The following LTBP2 variants were observed in gnomAD, a reference collection of about 807,000 sequenced individuals.
LTBP2 encodes latent-transforming growth factor beta-binding protein 2.
Under a neutral mutation model 210.6 loss-of-function variants are expected in LTBP2, and 103 were observed. That is an observed-to-expected ratio of 0.49 (90% CI 0.42 to 0.58). The LOEUF is 0.58. Ranked by LOEUF, LTBP2 falls within the 20% of genes least tolerant of loss-of-function variation. LTBP2 has a pLI of 0.00. For missense variants in LTBP2, 2,313 were observed against 2,494.5 expected (o/e 0.93, Z 1.55); for synonymous variants, 1,007 against 1,015.0 (o/e 0.99, Z 0.15).
chr14:74,508,645 G>A lies in LTBP2; in HGVS notation c.3611C>T (p.Ala1204Val), dbSNP rs45468895. 1,051 of 1,612,528 alleles carry A rather than the reference G, an allele frequency of 6.5e-4. 1 individual carries two copies. Among genetic ancestry groups the A allele is most frequent in the Non-Finnish European group, 5.6e-4 (657 of 1,179,964 alleles). ...CCCCTCTGCGCTGACGAAGCCAGGC[G>A]CGCACAGACAGAAGAAAGACCCGTG... ...NSHGSFFCLC[A>V]PGFVSAEGGT... Residue 1204 changes from alanine (A) to valine (V), a missense_variant, in exon 24 of 36, where the codon GCG (alanine) becomes GTG (valine). By Grantham distance (64) the Ala-to-Val change is moderately conservative (BLOSUM62 0). This residue lies in a region of LTBP2 where 1,867 missense variants were observed against 1,976.9 expected (regional missense o/e 0.94). Transcript: ENST00000261978.
chr14:74,610,385 G>C (rs2088588091), intron 1 of LTBP2, among the ~76,000 whole-genome samples: 1 of 152,236 alleles, frequency 6.6e-6, no homozygotes, highest in East Asian at 1.9e-4. Context: ...AGAGCGCCAA[G>C]GAAAACAGAG....
chr14:74,586,648 T>C lies in LTBP2; in HGVS notation c.566-530A>G, dbSNP rs189571752. 3.3e-5 allele frequency among the ~76,000 whole-genome samples: 5 copies of C among 152,292 alleles called. No individual in the cohort carries two copies. The East Asian group carries it at 9.6e-4, about 29-fold the overall frequency. On this transcript the variant is annotated intron_variant, in intron 2 of 35. Coordinates refer to ENST00000261978, the MANE Select transcript of LTBP2 (RefSeq NM_000428.3). The surrounding 1 kb of genome is among the most constrained non-coding windows in gnomAD (Gnocchi z 4.6). ...CACTTGTGAGCTGCATGGTCTTGAC[T>C]TCACTGAGCCTCTATTTGCGCCTAA...
At chr14:74,502,492 A>G (rs1366473925) in intron 34 of LTBP2, 161 bp downstream of exon 34, 1 of 896,480 alleles carries the variant, frequency 1.1e-6, no homozygotes, top group Non-Finnish European at 1.8e-6. Context: ...ACCTGGGCGT[A>G]TGTACTTGTC....
At chr14:74,501,691 G>A in intron 34 of LTBP2, 101 bp from the exon 35 acceptor site, 2 of 1,455,534 alleles carry the variant, frequency 1.4e-6, no homozygotes, top group Non-Finnish European at 1.9e-6. Flanking sequence ...TGCCCCTGTG[G>A]AACTGTGGGG....
At chr14:74,506,935 C>T (rs776392520) in intron 26 of LTBP2, 112 bp from the exon 27 acceptor site, 57 of 1,559,692 alleles carry the variant, frequency 3.7e-5, no homozygotes, top group Non-Finnish European at 4.9e-5. Context: ...TCGTTCTCTG[C>T]TGAGAATACT....
In LTBP2 at chr14:74,526,103, A is replaced by G; in HGVS notation, c.2400T>C (p.Ser800=). Residue 800 remains serine (S), a synonymous_variant, in exon 14 of 36, where the codon AGT becomes AGC. Transcript: ENST00000261978. The part of the protein sequence containing the change: ...GDSQAGQVTT[S]VTHAPAWVTG... ...TGACCCAGGCAGGTGCATGAGTGAC[A>G]CTGGTCGTGACCTGCACAGAAACAG... 6.2e-7 allele frequency: 1 copy of G among 1,603,722 alleles called. No homozygotes were observed.
intron 17 of LTBP2, among the ~76,000 whole-genome samples, chr14:74,518,942 C>T (rs941230266): frequency 6.6e-6 from 1 of 152,198 alleles, no homozygotes; most frequent in Admixed American, 6.5e-5. Flanking sequence ...AACTCATTAT[C>T]CCCTGAGGTC....
rs537848065 is a variant in LTBP2 at position 74,551,445 on chromosome 14, G to A, written c.1400-95C>T. 533 of 1,242,810 alleles carry A rather than the reference G, an allele frequency of 4.3e-4. 6 individuals carry two copies. The South Asian group carries it at 7.8e-3, about 18-fold the overall frequency. 77.0% of individuals were successfully genotyped at this position (1,242,810 alleles called of 1,614,324 possible). A position where few individuals can be genotyped will look rare whatever the true frequency, so the allele number is the denominator to read the frequency against. On this transcript the variant is annotated intron_variant, in intron 6 of 35. Transcript: ENST00000261978. ...TATCCACCACCCCTGGGCCAGGCAG[G>A]CCACTGGCTATGTGTCACCCCAAAA... is the stretch of plus-strand genomic sequence containing the variant.
intron 3 of LTBP2, among the ~76,000 whole-genome samples, chr14:74,562,580 C>T (rs984606771): frequency 7.9e-5 from 12 of 151,866 alleles, no homozygotes; most frequent in African/African-American, 2.7e-4. Context: ...CAGAGACCAA[C>T]AGCCTTAAAA....
At chr14:74,584,389 C>T (rs923194206) in intron 3 of LTBP2, among the ~76,000 whole-genome samples, 3 of 152,166 alleles carry the variant, frequency 2.0e-5, no homozygotes, top group African/African-American at 7.2e-5. Context: ...ATGAATCCCA[C>T]AAGCCAAAAG....
chr14:74,508,840 G>A lies in LTBP2; in HGVS notation c.3516C>T (p.Thr1172=), dbSNP rs562153323. Residue 1172 remains threonine, a synonymous_variant, in exon 23 of 36, where the codon ACC becomes ACT. Coordinates refer to ENST00000261978, the MANE Select transcript of LTBP2 (RefSeq NM_000428.3). The part of the protein sequence containing the change: ...CPQGFQLANG[T]VCEDVNECMG... ...ACCTGGGTCACTCACCCTCACACACGGTGCCATTGGCCAGCTGGAAGCCCT... is the reference window on the plus strand; with the variant it reads ...ACCTGGGTCACTCACCCTCACACACAGTGCCATTGGCCAGCTGGAAGCCCT... 2.0e-5 allele frequency: 33 copies of A among 1,613,612 alleles called. No homozygotes were observed. Among genetic ancestry groups the A allele is most frequent in the African/African-American group, 1.3e-4 (10 of 74,956 alleles).
At chr14:74,505,904 A>T in intron 28 of LTBP2, 144 bp downstream of exon 28, 1 of 1,148,148 alleles carries the variant, frequency 8.7e-7, no homozygotes, top group Non-Finnish European at 1.3e-6. Context: ...TCCATGCACC[A>T]GGCCCCGCCT....
At chr14:74,521,842 C>A in intron 17 of LTBP2, 69 bp downstream of exon 17, 3 of 1,602,586 alleles carry the variant, frequency 1.9e-6, no homozygotes, top group Non-Finnish European at 2.6e-6. Flanking sequence ...GGGGTGTGAA[C>A]CCCTGGTTCC....
At chr14:74,576,722 G>A (rs1277684171) in intron 3 of LTBP2, among the ~76,000 whole-genome samples, 1 of 151,510 alleles carries the variant, frequency 6.6e-6, no homozygotes, top group Non-Finnish European at 1.5e-5. Flanking sequence ...AACAGGGGAT[G>A]TCCTTCCCTA....
chr14:74,531,707 G>C (rs557510694), intron 10 of LTBP2, among the ~76,000 whole-genome samples: 4 of 152,200 alleles, frequency 2.6e-5, no homozygotes, highest in South Asian at 2.1e-4. Context: ...ATCCAACCTC[G>C]GCTGCTGCCT....
At chr14:74,552,012 G>A (rs1238729600) in intron 6 of LTBP2, among the ~76,000 whole-genome samples, 175 bp downstream of exon 6, 1 of 152,072 alleles carries the variant, frequency 6.6e-6, no homozygotes, top group Non-Finnish European at 1.5e-5. Context: ...ATGGGAGGGG[G>A]CTGAGAAGTT....
At chr14:74,564,307 T>A (rs868005601) in intron 3 of LTBP2, among the ~76,000 whole-genome samples, 9 of 14,018 alleles carry the variant, frequency 6.4e-4, no homozygotes, top group South Asian at 4.7e-3. Context: ...TTATATATAT[T>A]TATATATATA....
At chr14:74,571,343 C>T (rs1275722978) in intron 3 of LTBP2, among the ~76,000 whole-genome samples, 2 of 152,014 alleles carry the variant, frequency 1.3e-5, no homozygotes, top group Non-Finnish European at 2.9e-5. Flanking sequence ...TCCTCCCCAC[C>T]AAAAAAGACT....
chr14:74,577,033 C>T, intron 3 of LTBP2, among the ~76,000 whole-genome samples: 1 of 152,066 alleles, frequency 6.6e-6, no homozygotes, highest in Non-Finnish European at 1.5e-5. Context: ...GGTCACAAGG[C>T]CAGTTAGTAA....
Sources: gnomAD v4.1 joint callset for allele counts (sites outside exome capture counted in the v4.1 genomes callset) on GRCh38, gnomAD v4.1.1 for gene constraint, gnomAD v4.1.1 regional missense constraint, Gnocchi (gnomAD v3.1) non-coding constraint, MANE v1.5 for transcripts, NCBI Gene and HGNC (gene_info 2026-07-23, HGNC 2026-07-21) for gene names.